Variants in KCNQ5 observed in about 807,000 individuals in gnomAD.
KCNQ5 encodes potassium voltage-gated channel subfamily Q member 5, also known as potassium voltage-gated channel subfamily KQT member 5.
Under a neutral mutation model 98.2 loss-of-function variants are expected in KCNQ5, and 30 were observed. That is an observed-to-expected ratio of 0.31 (90% confidence interval 0.23 to 0.41). The LOEUF (loss-of-function observed/expected upper bound fraction) is 0.41. Among genes scored for constraint, KCNQ5 ranks in the 10% least tolerant of loss-of-function variants. The pLI, the probability that KCNQ5 is intolerant of heterozygous loss-of-function variation, is 1.00. For missense variants in KCNQ5, 835 were observed against 1,182.5 expected (o/e 0.71, Z 4.31); for synonymous variants, 458 against 449.4 (o/e 1.02, Z -0.24).
intron 1 of KCNQ5, among the ~76,000 whole-genome samples, chr6:72,954,144 C>T (rs1766933996): frequency 6.6e-6 from 1 of 152,170 alleles, no homozygotes; most frequent in Non-Finnish European, 1.5e-5. Flanking sequence ...CTTTATACAG[C>T]TTTCTTATCT....
intron 2 of KCNQ5, among the ~76,000 whole-genome samples, chr6:73,026,209 G>T (rs1372109396): frequency 1.3e-5 from 2 of 152,162 alleles, no homozygotes; most frequent in Non-Finnish European, 2.9e-5. Context: ...CTTTGTCCTG[G>T]AATGTACTCC....
At chr6:73,149,195 G>A (rs761132116) in intron 10 of KCNQ5, among the ~76,000 whole-genome samples, 6 of 152,170 alleles carry the variant, frequency 3.9e-5, no homozygotes, top group Admixed American at 2.6e-4. Context: ...GAATGAGATG[G>A]GCATATCTGT....
chr6:72,752,409 G>A (rs1771729978), intron 1 of KCNQ5, among the ~76,000 whole-genome samples: 1 of 152,104 alleles, frequency 6.6e-6, no homozygotes, highest in Non-Finnish European at 1.5e-5. Context: ...ATGGAAATGA[G>A]AGAAGTTTAG....
intron 1 of KCNQ5, among the ~76,000 whole-genome samples, chr6:72,847,618 T>G (rs1268679603): frequency 6.6e-6 from 1 of 152,234 alleles, no homozygotes; most frequent in Non-Finnish European, 1.5e-5. Context: ...GAGCCTCTAT[T>G]TCCTCTCCCA....
chr6:73,008,825 T>A (rs1769931605), intron 2 of KCNQ5, among the ~76,000 whole-genome samples: 1 of 152,160 alleles, frequency 6.6e-6, no homozygotes. Context: ...GTTATTCATA[T>A]GCCATTATGT....
intron 10 of KCNQ5, among the ~76,000 whole-genome samples, chr6:73,154,689 A>G (rs1417373485): frequency 6.6e-6 from 1 of 152,214 alleles, no homozygotes; most frequent in Non-Finnish European, 1.5e-5. Flanking sequence ...TACTATATTT[A>G]TTCAACAAAT....
In KCNQ5 at chr6:73,145,968, C is replaced by A. The variant is rs139266919; in HGVS notation, c.1468+12327C>A. Among the ~76,000 whole-genome samples, 286 of 152,160 alleles carry A rather than the reference C, an allele frequency of 1.9e-3. 1 individual carries two copies. Among genetic ancestry groups the A allele is most frequent in the South Asian group, 0.011 (55 of 4,814 alleles). The stretch of plus-strand genomic sequence containing the variant: ...GAAAGTGAGAGTGAAGGGGGAAGTG[C>A]CACACTTTTAAACCATAATCCACCC... On this transcript the variant is annotated intron_variant, in intron 10 of 13. Coordinates refer to ENST00000370398, the MANE Select transcript of KCNQ5 (RefSeq NM_019842.4).
intron 1 of KCNQ5, among the ~76,000 whole-genome samples, chr6:72,772,503 T>C (rs1334045740): frequency 6.6e-6 from 1 of 152,104 alleles, no homozygotes; most frequent in Non-Finnish European, 1.5e-5. Flanking sequence ...TTCAGAGAAG[T>C]GAAAATAAAA....
At chr6:73,121,248 C>A (rs1365112451) in intron 8 of KCNQ5, among the ~76,000 whole-genome samples, 1 of 150,924 alleles carries the variant, frequency 6.6e-6, no homozygotes. Context: ...TGGGGAAGTA[C>A]AATTTTACCT....
chr6:72,721,485 A>C (rs1769957242), intron 1 of KCNQ5, among the ~76,000 whole-genome samples: 2 of 151,928 alleles, frequency 1.3e-5, no homozygotes, highest in Non-Finnish European at 2.9e-5. Context: ...AGACATTTAC[A>C]TGTCATAGCC....
Position 73,195,479 on chromosome 6 carries a change from C to G in KCNQ5, c.*65C>G, listed in dbSNP as rs925894040. On this transcript the variant is annotated 3_prime_UTR_variant, in exon 14 of 14. Transcript: ENST00000370398. Reference sequence around the variant, plus strand: ...ATACATATCATTGCATGAACTATTTCGAAAGCCCTTCTAAAAAGTTGAAAT... The same window carrying G: ...ATACATATCATTGCATGAACTATTTGGAAAGCCCTTCTAAAAAGTTGAAAT... 20 of 1,531,846 alleles carry G rather than the reference C, an allele frequency of 1.3e-5. No homozygotes were observed. In the African/African-American group the frequency reaches 2.8e-4, roughly 21 times the overall value. The allele number at this position is 1,531,846 out of a possible 1,614,324, so 94.9% of individuals were successfully genotyped here.
chr6:73,104,103 G>A (rs922666739), intron 5 of KCNQ5, among the ~76,000 whole-genome samples: 1 of 152,040 alleles, frequency 6.6e-6, no homozygotes, highest in African/African-American at 2.4e-5. Flanking sequence ...GTCCATGCCA[G>A]AGCAGTTAGA....
intron 11 of KCNQ5, among the ~76,000 whole-genome samples, chr6:73,175,155 G>GT (rs765426862): frequency 0.045 from 6,593 of 146,074 alleles, 169 homozygotes; most frequent in African/African-American, 0.083. Context: ...TGGAAGAGCA[G>GT]TTTTTTTTTT....
At position 72,837,918 on chromosome 6, in the gene KCNQ5, T is replaced by G. The variant is rs181062325; in HGVS notation, c.399-165990T>G. Among the ~76,000 whole-genome samples, 221 of 152,290 alleles carry G rather than the reference T, an allele frequency of 1.5e-3. 1 individual carries two copies. The highest frequency in any genetic ancestry group is 5.2e-3 in the African/African-American group (216 of 41,572). On this transcript the variant is annotated intron_variant, in intron 1 of 13. Transcript: ENST00000370398. ...AATAGAAACCTGATAGTATATGTTA[T>G]GGACACCAAGTTATTTTTTTTTTGG...
intron 5 of KCNQ5, among the ~76,000 whole-genome samples, chr6:73,081,263 T>C (rs1219187937): frequency 6.6e-6 from 1 of 152,194 alleles, no homozygotes; most frequent in Non-Finnish European, 1.5e-5. Context: ...GAAGTAGCTC[T>C]AGTAGCTGAG....
chr6:73,046,611 C>CTATTTTATTTTATTT (rs59114459), intron 3 of KCNQ5, among the ~76,000 whole-genome samples: 32,007 of 128,112 alleles, frequency 0.25, 4,951 homozygotes, highest in African/African-American at 0.39. Context: ...TTATTTTATT[C>CTATTTTATTTTATTT]TATTTTATTT....
At chr6:73,125,479 A>C (rs771999398) in intron 9 of KCNQ5, 2 of 517,558 alleles carry the variant, frequency 3.9e-6, no homozygotes, top group Admixed American at 1.9e-5. Context: ...TATCATTGTC[A>C]CTGTGTTTCC....
intron 5 of KCNQ5, among the ~76,000 whole-genome samples, chr6:73,089,633 T>C (rs1398257283): frequency 1.3e-5 from 2 of 152,156 alleles, no homozygotes; most frequent in Non-Finnish European, 2.9e-5. Flanking sequence ...ATAGTTTAGC[T>C]CCCACCTATG....
intron 1 of KCNQ5, among the ~76,000 whole-genome samples, chr6:72,870,240 G>A (rs1465039713): frequency 6.6e-6 from 1 of 152,020 alleles, no homozygotes; most frequent in African/African-American, 2.4e-5. Context: ...CTCCTTGGGT[G>A]ATGTATTTGT....
Sources: gnomAD v4.1 joint callset for allele counts (sites outside exome capture counted in the v4.1 genomes callset) on GRCh38, gnomAD v4.1.1 for gene constraint, MANE v1.5 for transcripts, NCBI Gene and HGNC (gene_info 2026-07-23, HGNC 2026-07-21) for gene names.